CABIN1: variants seen among roughly 807,000 people sequenced by gnomAD.
CABIN1 encodes calcineurin-binding protein cabin-1.
A neutral mutation model predicts 227.7 loss-of-function variants in CABIN1; 133 were observed. The ratio of observed to expected loss-of-function variants is 0.58; its 90% confidence interval spans 0.51 to 0.67. The LOEUF (loss-of-function observed/expected upper bound fraction) is 0.67. Ranked by LOEUF, CABIN1 falls within the 30% of genes least tolerant of loss-of-function variation. The pLI is 0.00. For synonymous variants in CABIN1, 1,086 were observed against 1,155.1 expected (o/e 0.94, Z 1.21); for missense variants, 2,408 against 2,852.5 (o/e 0.84, Z 3.55).
chr22:24,109,323 C>T (rs1025299896), intron 26 of CABIN1, among the ~76,000 whole-genome samples: 13 of 151,520 alleles, frequency 8.6e-5, no homozygotes, highest in Non-Finnish European at 1.6e-4. Context: ...CTCCTGGGCT[C>T]AAGTGATCCT....
Position 24,165,566 on chromosome 22 carries a change from G to T in CABIN1, c.4947G>T (p.Ala1649=), listed in dbSNP as rs148220023. ...GAGATGCTGACCGCCAGGTCCTGGC[G>T]CAGCGGGCCTTCATCCTCACTGTGA... The part of the protein sequence containing the change: ...YLRDADRQVL[A]QRAFILTVKV... Residue 1649 remains alanine (A), a synonymous_variant, in exon 31 of 37, where the codon GCG becomes GCT. Coordinates refer to ENST00000263119, the MANE Select transcript of CABIN1 (RefSeq NM_012295.4). 4 of 1,613,190 alleles carry T rather than the reference G, an allele frequency of 2.5e-6. No homozygotes were observed. Among genetic ancestry groups the T allele is most frequent in the Non-Finnish European group, 2.5e-6 (3 of 1,179,992 alleles).
chr22:24,149,018 T>C (rs1436643850), intron 29 of CABIN1, among the ~76,000 whole-genome samples: 5 of 152,238 alleles, frequency 3.3e-5, no homozygotes, highest in Non-Finnish European at 2.9e-5. Flanking sequence ...TTTTCCTATT[T>C]GGCAAGTTTG....
At chr22:24,096,104 AC>A in intron 25 of CABIN1, 22 bp downstream of exon 25, 2 of 1,613,404 alleles carry the variant, frequency 1.2e-6, no homozygotes, top group Non-Finnish European at 1.7e-6. Context: ...CCTTCAGGCG[AC>A]CCCTAGCAGC....
At chr22:24,172,371 C>T (rs987189180) in intron 34 of CABIN1, among the ~76,000 whole-genome samples, 2 of 152,226 alleles carry the variant, frequency 1.3e-5, no homozygotes, top group African/African-American at 4.8e-5. Flanking sequence ...CACACCAGGC[C>T]TCCCTCAGGG....
chr22:24,014,956 C>CT (rs2035134938), intron 1 of CABIN1, among the ~76,000 whole-genome samples: 1 of 151,954 alleles, frequency 6.6e-6, no homozygotes, highest in African/African-American at 2.4e-5. Context: ...ATTGTGTTTG[C>CT]TTTTTTCACT....
chr22:24,167,271 T>C lies in CABIN1; in HGVS notation c.5640T>C (p.Arg1880=), dbSNP rs777466269. The change falls in exon 32 of 37, where the codon CGT becomes CGC. Residue 1880 remains arginine, a synonymous_variant. Coordinates refer to ENST00000263119, the MANE Select transcript of CABIN1 (RefSeq NM_012295.4). Reference sequence around the variant, plus strand: ...AGGGTGTGGCCTATGACCTGGGCCGTGTGGAGAGGATCATGTCGGAGACCT... The same window carrying C: ...AGGGTGTGGCCTATGACCTGGGCCGCGTGGAGAGGATCATGTCGGAGACCT... The part of the protein sequence containing the change: ...GQKGVAYDLG[R]VERIMSETYM... The C allele has an allele frequency of 1.2e-5, 20 of 1,613,196 alleles. No individual in the cohort carries two copies. The Admixed American group carries it at 3.3e-4, about 27-fold the overall frequency.
chr22:24,164,335 C>CA, intron 29 of CABIN1, 65 bp from the exon 30 acceptor site: 6 of 1,579,770 alleles, frequency 3.8e-6, no homozygotes, highest in Non-Finnish European at 5.2e-6. Context: ...GGATACCAGA[C>CA]AGGGTGTCCC....
chr22:24,103,758 G>A (rs146526983), intron 26 of CABIN1, among the ~76,000 whole-genome samples: 6 of 152,270 alleles, frequency 3.9e-5, no homozygotes, highest in African/African-American at 1.4e-4. Context: ...AGCTGGTCAC[G>A]GCATTTATTG....
intron 28 of CABIN1, among the ~76,000 whole-genome samples, chr22:24,129,656 T>C (rs2043947644): frequency 6.6e-6 from 1 of 152,224 alleles, no homozygotes; most frequent in Non-Finnish European, 1.5e-5. Flanking sequence ...CCTGCCCTTA[T>C]AGGGCTGATA....
intron 1 of CABIN1, among the ~76,000 whole-genome samples, chr22:24,011,911 A>G (rs2034842518): frequency 6.6e-6 from 1 of 152,172 alleles, no homozygotes; most frequent in South Asian, 2.1e-4. Context: ...TGGCATTCCC[A>G]AGGTATCTGC....
At chr22:24,157,991 C>T (rs1376788778) in intron 29 of CABIN1, among the ~76,000 whole-genome samples, 1 of 152,210 alleles carries the variant, frequency 6.6e-6, no homozygotes, top group Non-Finnish European at 1.5e-5. Flanking sequence ...GTGCCCACTG[C>T]TCTTGGGAAT....
intron 23 of CABIN1, among the ~76,000 whole-genome samples, chr22:24,089,442 T>C (rs2041392192): frequency 2.0e-5 from 3 of 152,142 alleles, no homozygotes; most frequent in African/African-American, 7.2e-5. Context: ...TGAAACTGGG[T>C]TCCCAAGCCA....
chr22:24,130,808 G>A (rs1009317610), intron 28 of CABIN1, among the ~76,000 whole-genome samples: 2 of 152,148 alleles, frequency 1.3e-5, no homozygotes, highest in Non-Finnish European at 2.9e-5. Flanking sequence ...TCTTTCTCTG[G>A]TGGGCCTGGG....
At chr22:24,153,489 G>T (rs1202106478) in intron 29 of CABIN1, among the ~76,000 whole-genome samples, 2 of 152,226 alleles carry the variant, frequency 1.3e-5, no homozygotes, top group Non-Finnish European at 2.9e-5. Context: ...GATCAGGGCA[G>T]GCAGTCTCAC....
intron 23 of CABIN1, among the ~76,000 whole-genome samples, chr22:24,089,469 G>C (rs989508985): frequency 6.6e-6 from 1 of 152,068 alleles, no homozygotes; most frequent in South Asian, 2.1e-4. Context: ...TGGAGTGTTA[G>C]GGTGGCAGGA....
intron 5 of CABIN1, 151 bp from the exon 6 acceptor site, chr22:24,042,753 T>G (rs1008565353): frequency 1.4e-6 from 1 of 709,352 alleles, no homozygotes; most frequent in African/African-American, 1.8e-5. Context: ...CCTGGGAAGT[T>G]CAAGTGGCTG....
At position 24,178,464 on chromosome 22, in the gene CABIN1, T is replaced by G; in HGVS notation, c.*268T>G. On this transcript the variant is annotated 3_prime_UTR_variant, in exon 37 of 37. Transcript: ENST00000263119. ...CTGCACGCCAGGCGGCATCCTTTTC[T>G]ATGAAGTGTTGACTTTGTAAATCTG... The G allele has an allele frequency of 2.0e-6, 1 of 501,216 alleles. No homozygotes were observed. Among genetic ancestry groups the G allele is most frequent in the Non-Finnish European group, 3.7e-6 (1 of 273,522 alleles). 31.0% of individuals were successfully genotyped at this position (501,216 alleles called of 1,614,324 possible). A position where few individuals can be genotyped will look rare whatever the true frequency, so the allele number is the denominator to read the frequency against.
At chr22:24,102,742 T>A (rs1299987330) in intron 26 of CABIN1, among the ~76,000 whole-genome samples, 2 of 152,062 alleles carry the variant, frequency 1.3e-5, no homozygotes, top group African/African-American at 4.8e-5. Flanking sequence ...AGTGGGAGCC[T>A]TGGAGGCTGG....
At chr22:24,143,318 G>A (rs1164648020) in intron 29 of CABIN1, among the ~76,000 whole-genome samples, 2 of 152,212 alleles carry the variant, frequency 1.3e-5, no homozygotes, top group Non-Finnish European at 2.9e-5. Context: ...GTGGGCAGGG[G>A]GATGTGGGCA....
Sources: allele counts gnomAD v4.1 joint callset (sites outside exome capture counted in the v4.1 genomes callset), GRCh38; gene constraint gnomAD v4.1.1; transcripts MANE v1.5; gene names NCBI Gene and HGNC (gene_info 2026-07-23, HGNC 2026-07-21).